CPVL: variants seen among roughly 807,000 people sequenced by gnomAD.
CPVL encodes carboxypeptidase vitellogenic like.
A neutral mutation model predicts 63.7 loss-of-function variants in CPVL; 51 were observed. The ratio of observed to expected loss-of-function variants is 0.80; its 90% CI spans 0.64 to 1.01. CPVL has a LOEUF of 1.01. Among genes scored for constraint, CPVL ranks in the 50% least tolerant of loss-of-function variants. The pLI is 0.00. For synonymous variants in CPVL, 195 were observed against 206.0 expected (o/e 0.95, Z 0.46); for missense variants, 530 against 573.1 (o/e 0.92, Z 0.77).
At chr7:29,147,808 G>A (rs729776), upstream of CPVL, among the ~76,000 whole-genome samples, 14,560 of 152,220 alleles carry the variant, frequency 0.096, 1,589 homozygotes, top group African/African-American at 0.24. Context: ...ATATTTAAAA[G>A]TTATAAACAA....
intron 5 of CPVL, among the ~76,000 whole-genome samples, chr7:29,160,485 T>C (rs1427334787): frequency 6.6e-6 from 1 of 152,176 alleles, no homozygotes; most frequent in Admixed American, 6.5e-5. Flanking sequence ...CTACCCCTTT[T>C]CCCTTTGCCA....
intron 1 of CPVL, among the ~76,000 whole-genome samples, chr7:29,135,656 A>T (rs1450704223): frequency 7.9e-5 from 12 of 151,958 alleles, no homozygotes; most frequent in African/African-American, 2.4e-4. Context: ...GAATAAATAA[A>T]TATTCAGAAA....
At chr7:29,068,698 G>GT (rs1224426627) in intron 9 of CPVL, among the ~76,000 whole-genome samples, 1,555 of 137,048 alleles carry the variant, frequency 0.011, 9 homozygotes, top group Non-Finnish European at 0.014. Flanking sequence ...TTTTTTCTTT[G>GT]TTTTTTTTTT....
At chr7:29,025,662 A>G (rs1307431043) in intron 12 of CPVL, among the ~76,000 whole-genome samples, 2 of 152,248 alleles carry the variant, frequency 1.3e-5, no homozygotes, top group Non-Finnish European at 2.9e-5. Flanking sequence ...ATTATATTCC[A>G]TGTAAACAGA....
At chr7:29,152,657 CCTT>C (rs1301911719) in intron 5 of CPVL, among the ~76,000 whole-genome samples, 1 of 152,124 alleles carries the variant, frequency 6.6e-6, no homozygotes, top group Non-Finnish European at 1.5e-5. Flanking sequence ...AGGAATTATC[CCTT>C]CTTCTCAGTA....
intron 5 of CPVL, among the ~76,000 whole-genome samples, chr7:29,166,966 T>TA (rs1335842025): frequency 6.6e-6 from 1 of 152,192 alleles, no homozygotes; most frequent in Non-Finnish European, 1.5e-5. Context: ...TTCTCCACAA[T>TA]ATAAGATATA....
At chr7:29,034,327 G>A (rs2128157436) in intron 11 of CPVL, among the ~76,000 whole-genome samples, 1 of 152,174 alleles carries the variant, frequency 6.6e-6, no homozygotes, top group East Asian at 1.9e-4. Flanking sequence ...GGCTGGTCTT[G>A]AACTCCTGGG....
intron 3 of CPVL, among the ~76,000 whole-genome samples, chr7:29,102,482 T>C (rs1787254151): frequency 6.6e-6 from 1 of 152,214 alleles, no homozygotes; most frequent in Non-Finnish European, 1.5e-5. Context: ...TCCCTCATAC[T>C]ACATATTTAA....
intron 1 of CPVL, chr7:29,193,478 T>C (rs1783162568): frequency 1.3e-5 from 2 of 152,236 alleles, no homozygotes; most frequent in South Asian, 2.1e-4. Context: ...TTTCCATTTT[T>C]GCTATATAAT....
At chr7:29,115,353 G>A (rs1788674469) in intron 2 of CPVL, among the ~76,000 whole-genome samples, 1 of 152,114 alleles carries the variant, frequency 6.6e-6, no homozygotes, top group Admixed American at 6.5e-5. Context: ...TGTTCCCAAT[G>A]AGGTCTATCC....
intron 1 of CPVL, among the ~76,000 whole-genome samples, chr7:29,144,406 C>G (rs928343674): frequency 2.0e-5 from 3 of 152,196 alleles, no homozygotes; most frequent in Non-Finnish European, 4.4e-5. Flanking sequence ...ACCAAAGATA[C>G]AAAAATTAGC....
intron 7 of CPVL, among the ~76,000 whole-genome samples, chr7:29,072,844 T>C (rs558723276): frequency 6.6e-6 from 1 of 152,334 alleles, no homozygotes; most frequent in African/African-American, 2.4e-5. Flanking sequence ...GAAATCAACA[T>C]GTACTAAAGG....
intron 7 of CPVL, among the ~76,000 whole-genome samples, chr7:29,074,737 T>A (rs981030387): frequency 6.6e-5 from 10 of 151,082 alleles, no homozygotes; most frequent in African/African-American, 2.4e-4. Flanking sequence ...TCTCTCTCTC[T>A]CTCTCTCGTA....
At chr7:29,048,407 G>A (rs1008037124) in intron 11 of CPVL, among the ~76,000 whole-genome samples, 2 of 152,152 alleles carry the variant, frequency 1.3e-5, no homozygotes, top group African/African-American at 4.8e-5. Context: ...AGCAGGAATA[G>A]CTATTCTTAT....
intron 5 of CPVL, among the ~76,000 whole-genome samples, chr7:29,164,794 A>C (rs994854072): frequency 3.3e-5 from 5 of 151,640 alleles, no homozygotes; most frequent in South Asian, 2.1e-4. Context: ...AAAAAAAAAA[A>C]AAAAAAACAA....
chr7:29,129,501 C>T (rs1053763319), intron 1 of CPVL, among the ~76,000 whole-genome samples: 1 of 149,192 alleles, frequency 6.7e-6, no homozygotes, highest in East Asian at 2.0e-4. Flanking sequence ...AGACGAGTCT[C>T]GCTCGGTCGC....
chr7:29,149,225 C>T (rs1325338378), upstream of CPVL, among the ~76,000 whole-genome samples: 8 of 109,378 alleles, frequency 7.3e-5, no homozygotes, highest in Non-Finnish European at 1.2e-4. Flanking sequence ...CAGAGTCTTA[C>T]TGTGCCGCCC....
rs146220447 is a variant in CPVL at position 29,015,178 on chromosome 7, A to G, written c.1320+15399T>C. Among the ~76,000 whole-genome samples, 6 of 152,316 alleles carry G rather than the reference A, an allele frequency of 3.9e-5. No homozygotes were observed. In the East Asian group the frequency reaches 9.6e-4, roughly 24 times the overall value. ...TGCCTCCTCCATCCTCCTCCTTTTA[A>G]GAACTCTTCTTTCATTTAGGGAACA... On this transcript the variant is annotated intron_variant, in intron 12 of 12. Transcript: ENST00000265394.
chr7:29,112,536 T>C (rs1002960947), intron 3 of CPVL, among the ~76,000 whole-genome samples, 168 bp downstream of exon 3: 4 of 152,006 alleles, frequency 2.6e-5, no homozygotes, highest in Non-Finnish European at 5.9e-5. Context: ...TGCCCATAAA[T>C]AGGAACACCA....
Sources: gnomAD v4.1 joint callset for allele counts (sites outside exome capture counted in the v4.1 genomes callset) on GRCh38, gnomAD v4.1.1 for gene constraint, MANE v1.5 for transcripts, NCBI Gene and HGNC (gene_info 2026-07-23, HGNC 2026-07-21) for gene names.